The following ITGA6 variants were observed in gnomAD, a reference collection of about 807,000 sequenced individuals.
ITGA6 encodes integrin subunit alpha 6.
Under a neutral mutation model 133.6 loss-of-function variants are expected in ITGA6, and 63 were observed. The ratio of observed to expected loss-of-function variants is 0.47; its 90% CI spans 0.38 to 0.58. The LOEUF (loss-of-function observed/expected upper bound fraction) is 0.58. ITGA6 is among the 20% of genes least tolerant of loss of function. ITGA6 has a pLI of 0.00. For missense variants in ITGA6, 1,068 were observed against 1,309.4 expected, an observed-to-expected ratio of 0.82 and a Z score of 2.85; for synonymous variants, 434 against 482.0, an observed-to-expected ratio of 0.90 and a Z score of 1.30.
At chr2:172,490,621 C>G (rs1342698239) in intron 20 of ITGA6, among the ~76,000 whole-genome samples, 4 of 152,222 alleles carry the variant, frequency 2.6e-5, no homozygotes, top group African/African-American at 9.7e-5. Context: ...GCTTCTTTCT[C>G]TGTTCTTCAG....
chr2:172,481,176 C>T (rs540339274), intron 11 of ITGA6, among the ~76,000 whole-genome samples: 37 of 152,260 alleles, frequency 2.4e-4, no homozygotes, highest in African/African-American at 7.2e-4. Flanking sequence ...TCAGCCTTTA[C>T]GATACTATGA....
chr2:172,473,949 G>GA (rs1490391304), intron 5 of ITGA6, 106 bp from the exon 6 acceptor site: 19 of 718,132 alleles, frequency 2.6e-5, no homozygotes, highest in Non-Finnish European at 4.1e-5. Flanking sequence ...GTCAAGAGGA[G>GA]AGAGGGGTGG....
chr2:172,439,894 A>C (rs893094665), intron 1 of ITGA6, among the ~76,000 whole-genome samples: 3 of 152,212 alleles, frequency 2.0e-5, no homozygotes, highest in African/African-American at 7.2e-5. Context: ...CTTGTGCCAC[A>C]TAAATCTTGC....
intron 10 of ITGA6, 115 bp downstream of exon 10, chr2:172,479,854 A>G: frequency 1.8e-6 from 2 of 1,124,114 alleles, no homozygotes; most frequent in South Asian, 1.2e-5. Context: ...GGCAAAGGGA[A>G]GAGGGTCTGT....
rs1685620637 is a variant in ITGA6 at position 172,465,529 on chromosome 2, T to G, written c.183-10T>G. 4 of 1,614,180 alleles carry G rather than the reference T, an allele frequency of 2.5e-6. No individual in the cohort carries two copies. Among genetic ancestry groups the G allele is most frequent in the African/African-American group, 1.3e-5 (1 of 75,070 alleles). On this transcript the variant is annotated splice_polypyrimidine_tract_variant and intron_variant, in intron 1 of 25. Transcript: ENST00000684293. ...TTCAAATCTCCAAATTGTCTCTGTT[T>G]CATCAACAGGTTGCTCGTGGGGGCC...
intron 6 of ITGA6, among the ~76,000 whole-genome samples, 170 bp from the exon 7 acceptor site, chr2:172,474,759 G>A (rs1332166862): frequency 6.6e-6 from 1 of 152,082 alleles, no homozygotes; most frequent in Non-Finnish European, 1.5e-5. Context: ...TATTTTTCTT[G>A]GGGCGTTTAT....
At position 172,494,886 on chromosome 2, in the gene ITGA6, A is replaced by T. The variant is rs531114059; in HGVS notation, c.2989-3089A>T. 9.2e-5 allele frequency among the ~76,000 whole-genome samples: 14 copies of T among 152,328 alleles called. No individual in the cohort carries two copies. In the South Asian group the frequency reaches 2.3e-3, roughly 25 times the overall value. Reference sequence around the variant, plus strand: ...CTTCCTGGCTGTCAAAATTTTTTTTAAAATGACCAAAAAAATGCATAATTC... The same window carrying T: ...CTTCCTGGCTGTCAAAATTTTTTTTTAAATGACCAAAAAAATGCATAATTC... On this transcript the variant is annotated intron_variant, in intron 23 of 25. Transcript: ENST00000684293.
In ITGA6 at chr2:172,474,247, T is replaced by G. The variant is rs148547864; in HGVS notation, c.968T>G (p.Val323Gly). 6.2e-7 allele frequency: 1 copy of G among 1,613,858 alleles called. No individual in the cohort carries two copies. Among genetic ancestry groups the G allele is most frequent in the Non-Finnish European group, 8.5e-7 (1 of 1,179,862 alleles). The change falls in exon 6 of 26, where the codon GTG becomes GGG. Residue 323 changes from valine to glycine, a missense_variant. Physicochemically the swap from Val to Gly is moderately radical, Grantham distance 109. Transcript: ENST00000684293. The part of the protein sequence containing the change: ...ASSFGYDVAV[V>G]DLNKDGWQDI... Reference sequence around the variant, plus strand: ...TCATTTGGCTATGATGTGGCGGTGGTGGACCTCAACAAGGATGGGTGAGAA... The same window carrying G: ...TCATTTGGCTATGATGTGGCGGTGGGGGACCTCAACAAGGATGGGTGAGAA...
chr2:172,441,559 TAAAAAAAAAAAAA>T (rs57828626), intron 1 of ITGA6, among the ~76,000 whole-genome samples: 616 of 48,844 alleles, frequency 0.013, 17 homozygotes, highest in African/African-American at 0.035. Context: ...GCTGTCTCTT[TAAAAAAAAAAAAA>T]AAAAAAAAAA....
At chr2:172,456,195 G>A (rs569376989) in intron 1 of ITGA6, among the ~76,000 whole-genome samples, 2 of 152,326 alleles carry the variant, frequency 1.3e-5, no homozygotes, top group South Asian at 4.1e-4. Flanking sequence ...GATACCTGGA[G>A]GGTCAAGCTG....
chr2:172,486,197 A>AAAAAAAAAAAAAAAT (rs59713354), intron 13 of ITGA6, among the ~76,000 whole-genome samples: 1 of 150,190 alleles, frequency 6.7e-6, no homozygotes, highest in African/African-American at 2.4e-5. Context: ...AAAAAAAAAA[A>AAAAAAAAAAAAAAAT]CAACTAATTG....
intron 1 of ITGA6, among the ~76,000 whole-genome samples, chr2:172,452,425 AG>A (rs1425682504): frequency 6.6e-6 from 1 of 152,082 alleles, no homozygotes; most frequent in Non-Finnish European, 1.5e-5. Context: ...TCATTAATGG[AG>A]GTGATGCTTC....
intron 1 of ITGA6, among the ~76,000 whole-genome samples, chr2:172,435,831 G>A (rs1684300054): frequency 2.0e-5 from 3 of 151,774 alleles, no homozygotes; most frequent in African/African-American, 7.3e-5. Context: ...ATGCTACCAT[G>A]TTGGCCAGGC....
intron 1 of ITGA6, among the ~76,000 whole-genome samples, chr2:172,461,202 C>T (rs1260216057): frequency 1.3e-5 from 2 of 152,264 alleles, no homozygotes; most frequent in African/African-American, 4.8e-5. Flanking sequence ...ATACTTATAT[C>T]GTTAGATTTT....
chr2:172,436,249 G>C (rs1031529042), intron 1 of ITGA6, among the ~76,000 whole-genome samples: 1 of 152,208 alleles, frequency 6.6e-6, no homozygotes, highest in African/African-American at 2.4e-5. Flanking sequence ...TATTGAATTA[G>C]ATGGTGCCAA....
chr2:172,498,177 T>C (rs904565150), intron 24 of ITGA6, 77 bp downstream of exon 24: 3 of 1,401,312 alleles, frequency 2.1e-6, no homozygotes, highest in Non-Finnish European at 3.0e-6. Context: ...GCACTGATAG[T>C]ACGTTTTCTT....
intron 1 of ITGA6, among the ~76,000 whole-genome samples, chr2:172,450,309 G>A (rs548668836): frequency 6.6e-6 from 1 of 152,310 alleles, no homozygotes; most frequent in East Asian, 1.9e-4. Context: ...GGACGGGCTC[G>A]GGTGGAACAA....
rs865780284 is a variant in ITGA6 at position 172,435,040 on chromosome 2, G to A, written c.182+7070G>A. ...GAGGTGGTTTTAAGTGTGTGTGTGT[G>A]TGTGTGTGTGTGTGTGTGTATGATG... On this transcript the variant is annotated intron_variant, in intron 1 of 25. Coordinates refer to ENST00000684293, the MANE Select transcript of ITGA6 (RefSeq NM_000210.4). 8.2e-3 allele frequency among the ~76,000 whole-genome samples: 1,230 copies of A among 150,850 alleles called. 13 individuals are homozygous for A. The highest frequency in any genetic ancestry group is 0.028 in the African/African-American group (1,149 of 41,246).
chr2:172,484,435 G>C (rs1257430668), intron 11 of ITGA6, among the ~76,000 whole-genome samples: 1 of 121,882 alleles, frequency 8.2e-6, no homozygotes, highest in East Asian at 2.1e-4. Flanking sequence ...GTGCTCGGGG[G>C]AGTGTTGGGT....
Sources: allele counts gnomAD v4.1 joint callset (sites outside exome capture counted in the v4.1 genomes callset), GRCh38; gene constraint gnomAD v4.1.1; transcripts MANE v1.5; gene names NCBI Gene and HGNC (gene_info 2026-07-23, HGNC 2026-07-21).